PPFIA2: variants seen among roughly 807,000 people sequenced by gnomAD.
The protein encoded by PPFIA2 is liprin-alpha-2.
PPFIA2 carries 46 observed loss-of-function variants against 175.5 expected under a neutral mutation model. The ratio of observed to expected loss-of-function variants is 0.26; its 90% CI spans 0.21 to 0.34. The LOEUF is 0.34. Ranked by LOEUF, PPFIA2 falls within the 10% of genes least tolerant of loss-of-function variation. The pLI is 1.00. For synonymous variants in PPFIA2, 568 were observed against 511.4 expected (o/e 1.11, Z -1.49); for missense variants, 1,179 against 1,506.1 (o/e 0.78, Z 3.60).
chr12:81,268,592 A>T (rs561744120), intron 28 of PPFIA2, among the ~76,000 whole-genome samples: 95 of 152,324 alleles, frequency 6.2e-4, no homozygotes, highest in African/African-American at 2.1e-3. Context: ...GTCTCTATTT[A>T]AAAAAGTTGT....
At chr12:81,697,966 A>G (rs1356891260) in intron 3 of PPFIA2, among the ~76,000 whole-genome samples, 2 of 152,182 alleles carry the variant, frequency 1.3e-5, no homozygotes, top group Non-Finnish European at 2.9e-5. Flanking sequence ...CCAATGTGAT[A>G]AGAATAATCC....
At chr12:81,536,940 T>A (rs1471578523) in intron 4 of PPFIA2, among the ~76,000 whole-genome samples, 4 of 151,098 alleles carry the variant, frequency 2.6e-5, no homozygotes, top group Admixed American at 1.3e-4. Flanking sequence ...AAACATTTTT[T>A]AAAATTCATG....
At chr12:81,465,699 C>T (rs1022325657) in intron 4 of PPFIA2, among the ~76,000 whole-genome samples, 1 of 152,152 alleles carries the variant, frequency 6.6e-6, no homozygotes, top group Non-Finnish European at 1.5e-5. Flanking sequence ...TTTCCCCAAA[C>T]CACAGGACAT....
At chr12:81,616,795 G>T (rs1016407752) in intron 4 of PPFIA2, among the ~76,000 whole-genome samples, 1 of 151,890 alleles carries the variant, frequency 6.6e-6, no homozygotes, top group African/African-American at 2.4e-5. Flanking sequence ...TATCAAAAGG[G>T]CACACATTCA....
At chr12:81,604,501 T>C (rs966765353) in intron 4 of PPFIA2, among the ~76,000 whole-genome samples, 6 of 151,772 alleles carry the variant, frequency 4.0e-5, no homozygotes, top group Non-Finnish European at 8.9e-5. Context: ...TTCTTTAGTT[T>C]GCCAAATAGC....
chr12:81,751,279 T>C (rs572103925), intron 3 of PPFIA2, among the ~76,000 whole-genome samples: 2 of 152,162 alleles, frequency 1.3e-5, no homozygotes, highest in Non-Finnish European at 2.9e-5. Flanking sequence ...GCCATCTAAA[T>C]GTATAGGCTC....
intron 4 of PPFIA2, among the ~76,000 whole-genome samples, chr12:81,625,685 G>A (rs1358684019): frequency 6.6e-6 from 1 of 151,420 alleles, no homozygotes; most frequent in African/African-American, 2.4e-5. Context: ...CTAATTTAAG[G>A]ATAATTAGTA....
intron 4 of PPFIA2, among the ~76,000 whole-genome samples, chr12:81,460,424 T>A (rs1279063038): frequency 6.6e-6 from 1 of 152,130 alleles, no homozygotes; most frequent in Non-Finnish European, 1.5e-5. Context: ...GTCTCGGGTA[T>A]GTCTTTATCA....
chr12:81,643,936 C>G (rs955956778), intron 4 of PPFIA2, among the ~76,000 whole-genome samples: 13 of 151,778 alleles, frequency 8.6e-5, no homozygotes, highest in African/African-American at 2.7e-4. Flanking sequence ...AGAGGAATAG[C>G]AACAAACTTT....
intron 3 of PPFIA2, among the ~76,000 whole-genome samples, chr12:81,715,790 TGC>T (rs2078533901): frequency 6.6e-6 from 1 of 151,742 alleles, no homozygotes; most frequent in East Asian, 1.9e-4. Context: ...AATGGCATTA[TGC>T]TCCCTTGATT....
At chr12:81,666,595 A>C (rs1307968039) in intron 4 of PPFIA2, among the ~76,000 whole-genome samples, 1 of 152,038 alleles carries the variant, frequency 6.6e-6, no homozygotes, top group East Asian at 1.9e-4. Flanking sequence ...GGAACATCAC[A>C]CACCGGGGCC....
intron 4 of PPFIA2, among the ~76,000 whole-genome samples, chr12:81,601,029 A>T (rs1420410092): frequency 6.6e-6 from 1 of 151,968 alleles, no homozygotes; most frequent in Admixed American, 6.6e-5. Context: ...CTGCATTTGC[A>T]TCAGCCAGAA....
intron 4 of PPFIA2, chr12:81,512,199 T>C (rs1239421771): frequency 1.7e-5 from 10 of 594,316 alleles, no homozygotes; most frequent in Non-Finnish European, 2.4e-5. Context: ...GATGCTGTCT[T>C]ATCATCCCTT....
intron 4 of PPFIA2, among the ~76,000 whole-genome samples, chr12:81,637,638 T>C (rs1486346106): frequency 6.6e-6 from 1 of 152,086 alleles, no homozygotes. Context: ...AGGGTAGGAA[T>C]CAAGCACTAG....
intron 7 of PPFIA2, among the ~76,000 whole-genome samples, chr12:81,420,950 C>T (rs1336728338): frequency 2.6e-5 from 4 of 151,424 alleles, no homozygotes; most frequent in South Asian, 2.1e-4. Context: ...AAAGAGAATC[C>T]CTGTAAGACT....
chr12:81,497,786 G>C (rs1332001191), intron 4 of PPFIA2, among the ~76,000 whole-genome samples: 5 of 152,048 alleles, frequency 3.3e-5, no homozygotes, highest in Non-Finnish European at 7.4e-5. Flanking sequence ...TGATCTGCCT[G>C]CCTCTGCCTC....
chr12:81,427,133 G>A (rs2047273726), intron 7 of PPFIA2, among the ~76,000 whole-genome samples: 1 of 151,838 alleles, frequency 6.6e-6, no homozygotes, highest in East Asian at 1.9e-4. Context: ...ATATATACTA[G>A]ATATGAAGAT....
chr12:81,285,608 G>T (rs1450745144), intron 24 of PPFIA2, among the ~76,000 whole-genome samples: 2 of 152,066 alleles, frequency 1.3e-5, no homozygotes, highest in East Asian at 1.9e-4. Context: ...GAGCTGAAAA[G>T]TTCCTGTCAC....
At chr12:81,541,240 A>C (rs976739184) in intron 4 of PPFIA2, among the ~76,000 whole-genome samples, 1 of 152,016 alleles carries the variant, frequency 6.6e-6, no homozygotes, top group African/African-American at 2.4e-5. Flanking sequence ...CATATTATAA[A>C]CAGTTCATTG....
Sources: gnomAD v4.1 joint callset for allele counts (sites outside exome capture counted in the v4.1 genomes callset) on GRCh38, gnomAD v4.1.1 for gene constraint, MANE v1.5 for transcripts, NCBI Gene and HGNC (gene_info 2026-07-23, HGNC 2026-07-21) for gene names.